Variants in PLEKHA5 observed in about 807,000 individuals in gnomAD.
PLEKHA5 encodes the protein pleckstrin homology domain-containing family A member 5.
In PLEKHA5, 55 loss-of-function variants were observed where a neutral mutation model predicts 181.9. The ratio of observed to expected loss-of-function variants is 0.30; its 90% confidence interval spans 0.24 to 0.38. The LOEUF (loss-of-function observed/expected upper bound fraction) is 0.38, where lower values mean the gene tolerates loss of function less well. Ranked by LOEUF, PLEKHA5 falls within the 10% of genes least tolerant of loss-of-function variation. PLEKHA5 has a pLI of 1.00. For missense variants in PLEKHA5, 1,432 were observed against 1,549.5 expected (o/e 0.92, Z 1.27); for synonymous variants, 535 against 529.4 (o/e 1.01, Z -0.15).
intron 11 of PLEKHA5, among the ~76,000 whole-genome samples, chr12:19,277,697 G>A (rs1362056000): frequency 6.6e-6 from 1 of 151,924 alleles, no homozygotes. Flanking sequence ...TTTTATTGGT[G>A]GAATGAAACA....
intron 13 of PLEKHA5, among the ~76,000 whole-genome samples, chr12:19,288,319 G>A (rs563533359): frequency 5.9e-5 from 9 of 152,248 alleles, no homozygotes; most frequent in African/African-American, 2.2e-4. Flanking sequence ...TGTAACAAGC[G>A]TTCGATCAAA....
At chr12:19,291,180 AT>A (rs2078340749) in intron 14 of PLEKHA5, among the ~76,000 whole-genome samples, 1 of 152,192 alleles carries the variant, frequency 6.6e-6, no homozygotes. Flanking sequence ...TAAATTAAAA[AT>A]TCATTATAGC....
chr12:19,138,658 G>A (rs57003800), intron 3 of PLEKHA5, among the ~76,000 whole-genome samples: 3,177 of 152,010 alleles, frequency 0.021, 106 homozygotes, highest in African/African-American at 0.072. Flanking sequence ...GCCCTGGAAC[G>A]ACTTGAAGAG....
chr12:19,239,530 T>C (rs936237560), intron 3 of PLEKHA5, among the ~76,000 whole-genome samples: 1 of 152,254 alleles, frequency 6.6e-6, no homozygotes, highest in African/African-American at 2.4e-5. Context: ...TTAGGTGTTA[T>C]GTGCATCACA....
chr12:19,235,298 G>A (rs2061247526), intron 3 of PLEKHA5, among the ~76,000 whole-genome samples: 1 of 152,172 alleles, frequency 6.6e-6, no homozygotes, highest in Non-Finnish European at 1.5e-5. Flanking sequence ...TTGCGTGCTA[G>A]ATTTAGTTGT....
At chr12:19,213,554 T>G (rs1301275970) in intron 3 of PLEKHA5, among the ~76,000 whole-genome samples, 1 of 151,976 alleles carries the variant, frequency 6.6e-6, no homozygotes, top group Admixed American at 6.6e-5. Context: ...TTTAAGGGTT[T>G]CAGTAGGGGA....
chr12:19,346,343 T>A (rs2094330758), intron 23 of PLEKHA5, among the ~76,000 whole-genome samples: 1 of 151,914 alleles, frequency 6.6e-6, no homozygotes, highest in African/African-American at 2.4e-5. Flanking sequence ...TTTTTTCCTC[T>A]CTTAAAAATT....
intron 8 of PLEKHA5, among the ~76,000 whole-genome samples, chr12:19,268,747 C>T (rs760949592): frequency 2.0e-4 from 30 of 152,092 alleles, no homozygotes; most frequent in Non-Finnish European, 3.5e-4. Flanking sequence ...GATACCAACC[C>T]AGTGTTCCTT....
chr12:19,294,196 T>C (rs1383888008), intron 15 of PLEKHA5, among the ~76,000 whole-genome samples: 3 of 152,160 alleles, frequency 2.0e-5, no homozygotes, highest in African/African-American at 7.2e-5. Context: ...CTTAAATGTA[T>C]GTATCCTTAA....
At chr12:19,231,386 T>TA (rs2060513352) in intron 3 of PLEKHA5, among the ~76,000 whole-genome samples, 1 of 151,892 alleles carries the variant, frequency 6.6e-6, no homozygotes. Flanking sequence ...TATATACAGT[T>TA]AGAGTGTAAG....
chr12:19,335,959 A>G (rs1028687807), intron 20 of PLEKHA5, among the ~76,000 whole-genome samples: 16 of 152,110 alleles, frequency 1.1e-4, no homozygotes, highest in African/African-American at 3.9e-4. Context: ...CACCTCTAGA[A>G]TTATTCTATA....
At chr12:19,138,094 G>A (rs187357232) in intron 3 of PLEKHA5, among the ~76,000 whole-genome samples, 80 of 152,220 alleles carry the variant, frequency 5.3e-4, no homozygotes, top group Admixed American at 2.2e-3. Flanking sequence ...TTGAAGAGTC[G>A]ATGACCTGGA....
intron 11 of PLEKHA5, among the ~76,000 whole-genome samples, chr12:19,278,204 A>G (rs1385584585): frequency 1.3e-5 from 2 of 152,212 alleles, no homozygotes; most frequent in Admixed American, 1.3e-4. Context: ...AGAGCCTTTT[A>G]ATGTCATTAA....
chr12:19,220,572 A>G (rs1290175808), intron 3 of PLEKHA5, among the ~76,000 whole-genome samples: 4 of 152,190 alleles, frequency 2.6e-5, no homozygotes, highest in Non-Finnish European at 4.4e-5. Flanking sequence ...CACTATTTCT[A>G]TGAATGTACA....
chr12:19,255,434 C>G (rs2066607054), intron 5 of PLEKHA5, among the ~76,000 whole-genome samples: 1 of 151,874 alleles, frequency 6.6e-6, no homozygotes, highest in South Asian at 2.1e-4. Context: ...GGTGATTATT[C>G]ATGTAATAGC....
intron 25 of PLEKHA5, among the ~76,000 whole-genome samples, chr12:19,350,741 C>G (rs925976042): frequency 6.6e-6 from 1 of 152,078 alleles, no homozygotes; most frequent in Non-Finnish European, 1.5e-5. Context: ...GCACTCCAGC[C>G]TAGACAGTGA....
intron 5 of PLEKHA5, among the ~76,000 whole-genome samples, chr12:19,256,194 G>A (rs572155088): frequency 1.3e-5 from 2 of 152,220 alleles, no homozygotes; most frequent in Non-Finnish European, 2.9e-5. Flanking sequence ...TCCATAATAT[G>A]AAAAATACTA....
intron 3 of PLEKHA5, chr12:19,200,178 T>G (rs908370936): frequency 4.2e-5 from 24 of 574,366 alleles, no homozygotes; most frequent in Middle Eastern, 4.8e-4. Flanking sequence ...AGGTGATGGA[T>G]CCCCTCAAAT....
At chr12:19,222,469 C>T (rs1007738953) in intron 3 of PLEKHA5, among the ~76,000 whole-genome samples, 6 of 152,094 alleles carry the variant, frequency 3.9e-5, no homozygotes, top group Non-Finnish European at 8.8e-5. Context: ...GCCTCACACT[C>T]ACCATCCCTT....
Sources: allele counts gnomAD v4.1 joint callset (sites outside exome capture counted in the v4.1 genomes callset), GRCh38; gene constraint gnomAD v4.1.1; transcripts MANE v1.5; gene names NCBI Gene and HGNC (gene_info 2026-07-23, HGNC 2026-07-21).